The following APBA1 variants were observed in gnomAD, a reference collection of about 807,000 sequenced individuals.
APBA1 encodes the protein amyloid-beta A4 precursor protein-binding family A member 1.
Under a neutral mutation model 86.6 loss-of-function variants are expected in APBA1, and 55 were observed. That is an observed-to-expected ratio of 0.64 (90% CI 0.51 to 0.80). APBA1 has a LOEUF of 0.80. APBA1 is among the 30% of genes least tolerant of loss of function. The pLI, the probability that APBA1 is intolerant of heterozygous loss-of-function variation, is 0.00. For synonymous variants in APBA1, 511 were observed against 493.9 expected, an observed-to-expected ratio of 1.03 and a Z score of -0.46; for missense variants, 1,090 against 1,183.0, an observed-to-expected ratio of 0.92 and a Z score of 1.15.
chr9:69,592,501 C>T (rs964703101), intron 1 of APBA1, among the ~76,000 whole-genome samples: 10 of 152,162 alleles, frequency 6.6e-5, no homozygotes, highest in South Asian at 2.1e-4. Context: ...GAGGCTGAGA[C>T]GGGTGGATCC....
intron 5 of APBA1, chr9:69,462,376 A>AG (rs1835205030): frequency 1.3e-5 from 2 of 152,376 alleles, no homozygotes; most frequent in Non-Finnish European, 2.9e-5. Context: ...TTCTCTAGAA[A>AG]GGGGTAGGCA....
At chr9:69,645,772 C>T (rs531867840) in intron 1 of APBA1, among the ~76,000 whole-genome samples, 6 of 152,302 alleles carry the variant, frequency 3.9e-5, no homozygotes, top group South Asian at 4.1e-4. Flanking sequence ...AGACAGGTCA[C>T]GTGGCATCGA....
intron 1 of APBA1, among the ~76,000 whole-genome samples, chr9:69,554,873 A>T (rs1420662656): frequency 6.6e-6 from 1 of 152,184 alleles, no homozygotes; most frequent in East Asian, 1.9e-4. Context: ...ATTTTGATTC[A>T]GTAGTAAGAA....
At chr9:69,463,046 A>G (rs553678624) in intron 5 of APBA1, 4 of 152,326 alleles carry the variant, frequency 2.6e-5, no homozygotes, top group African/African-American at 9.6e-5. Context: ...ATGACCAACA[A>G]AGGCAGAATG....
chr9:69,512,977 A>T (rs937628799), intron 2 of APBA1, among the ~76,000 whole-genome samples: 8 of 152,200 alleles, frequency 5.3e-5, no homozygotes, highest in Admixed American at 4.6e-4. Flanking sequence ...ATATCATTAT[A>T]TTCTCAGTAG....
In APBA1 at chr9:69,516,469, T is replaced by C; in HGVS notation, c.742A>G (p.Ser248Gly). 1 of 1,601,994 alleles carries C rather than the reference T, an allele frequency of 6.2e-7. No individual in the cohort carries two copies. The highest frequency in any genetic ancestry group is 8.5e-7 in the Non-Finnish European group (1 of 1,178,534). The part of the protein sequence containing the change: ...YDERSDGESD[S>G]PEKEAEFAPY... ...GCGAACTCGGCCTCCTTCTCGGGGC[T>C]GTCGGACTCGCCGTCGGAGCGCTCG... is the stretch of plus-strand genomic sequence containing the variant. The change falls in exon 2 of 13, where the codon AGC becomes GGC. Residue 248 changes from serine to glycine, a missense_variant. Coordinates refer to ENST00000265381, the MANE Select transcript of APBA1 (RefSeq NM_001163.4). The surrounding 1 kb of genome is among the most constrained non-coding windows in gnomAD (Gnocchi z 7.3).
At chr9:69,532,002 C>G (rs1393419314) in intron 1 of APBA1, among the ~76,000 whole-genome samples, 1 of 152,162 alleles carries the variant, frequency 6.6e-6, no homozygotes, top group African/African-American at 2.4e-5. Flanking sequence ...GCTCTAAGAA[C>G]AAGAATTTAA....
chr9:69,466,124 T>C (rs1835275113), intron 5 of APBA1, among the ~76,000 whole-genome samples: 1 of 152,098 alleles, frequency 6.6e-6, no homozygotes, highest in South Asian at 2.1e-4. Context: ...GCTCTGAGCT[T>C]GGGGGAGAAG....
At chr9:69,458,023 C>A (rs781240686) in intron 6 of APBA1, 133 bp downstream of exon 6, 93 of 875,208 alleles carry the variant, frequency 1.1e-4, no homozygotes, top group Non-Finnish European at 1.5e-4. Flanking sequence ...GCTTATGGGG[C>A]GGTTCAAAAA....
chr9:69,526,733 C>T lies in APBA1; in HGVS notation c.-69-9454G>A, dbSNP rs562321923. Among the ~76,000 whole-genome samples the T allele has an allele frequency of 3.7e-4, 57 of 152,032 alleles. 1 individual carries two copies. The highest frequency in any genetic ancestry group is 4.2e-4 in the South Asian group (2 of 4,810). On this transcript the variant is annotated intron_variant, in intron 1 of 12. Coordinates refer to ENST00000265381, the MANE Select transcript of APBA1 (RefSeq NM_001163.4). Reference sequence around the variant, plus strand: ...TATACATCCAAAAGTCAATTGTTCTCGGTAGAATATTGTTCTACCAAAAAG... The same window carrying T: ...TATACATCCAAAAGTCAATTGTTCTTGGTAGAATATTGTTCTACCAAAAAG...
chr9:69,445,611 A>C (rs1033060539), intron 10 of APBA1, among the ~76,000 whole-genome samples: 2 of 152,184 alleles, frequency 1.3e-5, no homozygotes, highest in Non-Finnish European at 2.9e-5. Flanking sequence ...ACAGAGCAAA[A>C]ACCCAGAGGG....
At chr9:69,620,663 C>T (rs142611636) in intron 1 of APBA1, among the ~76,000 whole-genome samples, 63 of 152,060 alleles carry the variant, frequency 4.1e-4, no homozygotes, top group Middle Eastern at 6.8e-3. Context: ...GGCGACAGAG[C>T]GAGACTCCAT....
At chr9:69,481,238 C>G (rs1168450519) in intron 2 of APBA1, among the ~76,000 whole-genome samples, 1 of 151,850 alleles carries the variant, frequency 6.6e-6, no homozygotes, top group African/African-American at 2.4e-5. Flanking sequence ...CTGTCTCAGC[C>G]CAAAATCTCC....
intron 1 of APBA1, among the ~76,000 whole-genome samples, chr9:69,541,040 G>A (rs567988471): frequency 6.5e-4 from 99 of 152,290 alleles, no homozygotes; most frequent in African/African-American, 2.3e-3. Context: ...CTTTAAGGCT[G>A]AATAACATTC....
At chr9:69,621,722 G>A (rs1822821969) in intron 1 of APBA1, among the ~76,000 whole-genome samples, 2 of 152,058 alleles carry the variant, frequency 1.3e-5, no homozygotes, top group East Asian at 3.9e-4. Context: ...CCTGGCACAA[G>A]GCACTAAGTG....
At chr9:69,653,566 A>G (rs2134018146) in intron 1 of APBA1, among the ~76,000 whole-genome samples, 1 of 152,330 alleles carries the variant, frequency 6.6e-6, no homozygotes, top group African/African-American at 2.4e-5. Flanking sequence ...TAAGTCACAA[A>G]ACAAATCTTA....
At chr9:69,618,149 G>A (rs1013672140) in intron 1 of APBA1, among the ~76,000 whole-genome samples, 3 of 152,112 alleles carry the variant, frequency 2.0e-5, no homozygotes, top group African/African-American at 7.2e-5. Flanking sequence ...TATCATTTCC[G>A]AGCTAGTCAT....
At chr9:69,484,342 A>G (rs1835572609) in intron 2 of APBA1, among the ~76,000 whole-genome samples, 1 of 152,174 alleles carries the variant, frequency 6.6e-6, no homozygotes, top group Non-Finnish European at 1.5e-5. Flanking sequence ...ACTGCTGCTG[A>G]GTACCCATAT....
At chr9:69,439,490 T>C (rs1834768125) in intron 11 of APBA1, among the ~76,000 whole-genome samples, 2 of 152,350 alleles carry the variant, frequency 1.3e-5, no homozygotes, top group South Asian at 4.1e-4. Context: ...TCTATCTTTT[T>C]ATTCTTTTTT....
Sources: gnomAD v4.1 joint callset for allele counts (sites outside exome capture counted in the v4.1 genomes callset) on GRCh38, gnomAD v4.1.1 for gene constraint, Gnocchi (gnomAD v3.1) non-coding constraint, MANE v1.5 for transcripts, NCBI Gene and HGNC (gene_info 2026-07-23, HGNC 2026-07-21) for gene names.